PAIP2: variants seen among roughly 807,000 people sequenced by gnomAD.
PAIP2 encodes the protein poly(A) binding protein interacting protein 2.
In PAIP2, 7 loss-of-function variants were observed where a neutral mutation model predicts 14.8. That is an observed-to-expected ratio of 0.47 (90% CI 0.27 to 0.89). PAIP2 has a LOEUF of 0.89. Ranked by LOEUF, PAIP2 falls within the 40% of genes least tolerant of loss-of-function variation. PAIP2 has a pLI of 0.13. For missense variants in PAIP2, 122 were observed against 154.7 expected, an observed-to-expected ratio of 0.79 and a Z score of 1.12; for synonymous variants, 47 against 45.3, an observed-to-expected ratio of 1.04 and a Z score of -0.15.
intron 1 of PAIP2, among the ~76,000 whole-genome samples, chr5:139,344,576 AATAG>A (rs1756479386): frequency 6.6e-6 from 1 of 152,196 alleles, no homozygotes; most frequent in Admixed American, 6.5e-5. Context: ...ATTTTAATTA[AATAG>A]ATCTGTGTAG....
Position 139,368,897 on chromosome 5 carries a change from C to T in PAIP2, c.*99C>T. On this transcript the variant is annotated 3_prime_UTR_variant, in exon 4 of 4. Coordinates refer to ENST00000265192, the MANE Select transcript of PAIP2 (RefSeq NM_016480.5). Reference sequence around the variant, plus strand: ...TAAAAGCTCTCTTGTCACTGTGTTACACTTATGCATTGCCAAAGTTTTTGT... The same window carrying T: ...TAAAAGCTCTCTTGTCACTGTGTTATACTTATGCATTGCCAAAGTTTTTGT... The T allele has an allele frequency of 1.1e-6, 1 of 894,288 alleles. No homozygotes were observed. Among genetic ancestry groups the T allele is most frequent in the East Asian group, 2.5e-5 (1 of 39,680 alleles). The allele number at this position is 894,288 out of a possible 1,614,324, so 55.4% of individuals were successfully genotyped here.
At chr5:139,349,580 T>C (rs1561957871) in intron 1 of PAIP2, among the ~76,000 whole-genome samples, 1 of 152,160 alleles carries the variant, frequency 6.6e-6, no homozygotes, top group Non-Finnish European at 1.5e-5. Flanking sequence ...AGGAAAATAG[T>C]TAAAGTTATT....
chr5:139,364,674 T>C lies in PAIP2; in HGVS notation c.249T>C (p.Thr83=), dbSNP rs769724819. ...TTCCAGCTCGAGATCTCCCACAAAC[T>C]ATGGACCAAATCCAAGACCAGTTTA... ...WFIPARDLPQ[T]MDQIQDQFND... is the part of the protein sequence containing the mutation. The change falls in exon 3 of 4, where the codon ACT becomes ACC. Residue 83 remains threonine, a synonymous_variant. Coordinates refer to ENST00000265192, the MANE Select transcript of PAIP2 (RefSeq NM_016480.5). The C allele has an allele frequency of 6.2e-7, 1 of 1,612,794 alleles. No homozygotes were observed. Among genetic ancestry groups the C allele is most frequent in the South Asian group, 1.1e-5 (1 of 91,046 alleles).
At chr5:139,345,484 C>T (rs750102747) in intron 1 of PAIP2, among the ~76,000 whole-genome samples, 4 of 152,010 alleles carry the variant, frequency 2.6e-5, no homozygotes, top group Non-Finnish European at 5.9e-5. Context: ...TATGCTTAAA[C>T]GTATATATGC....
chr5:139,361,449 G>T (rs1757064534), intron 1 of PAIP2, among the ~76,000 whole-genome samples: 1 of 152,074 alleles, frequency 6.6e-6, no homozygotes, highest in African/African-American at 2.4e-5. Flanking sequence ...TCACTATACT[G>T]CTTGAGTTTA....
intron 2 of PAIP2, among the ~76,000 whole-genome samples, chr5:139,364,347 A>C (rs1042541084): frequency 6.6e-6 from 1 of 152,200 alleles, no homozygotes; most frequent in African/African-American, 2.4e-5. Context: ...CCCTCAATGG[A>C]AAAAAGAATG....
intron 3 of PAIP2, among the ~76,000 whole-genome samples, chr5:139,366,195 T>C (rs1413813113): frequency 9.7e-6 from 1 of 103,102 alleles, no homozygotes. Flanking sequence ...AGAGTGAGAC[T>C]CCACCTCAAA....
intron 1 of PAIP2, among the ~76,000 whole-genome samples, chr5:139,349,985 A>C (rs1485608203): frequency 6.6e-6 from 1 of 151,784 alleles, no homozygotes; most frequent in East Asian, 1.9e-4. Context: ...CTGGCGACAG[A>C]GTGAGACTCT....
chr5:139,354,597 T>G (rs976463348), intron 1 of PAIP2, among the ~76,000 whole-genome samples: 7 of 152,234 alleles, frequency 4.6e-5, no homozygotes, highest in African/African-American at 1.7e-4. Flanking sequence ...TTCAAATGTT[T>G]CTGAACTATT....
In PAIP2 at chr5:139,364,754, A is replaced by T. The variant is rs1318102790; in HGVS notation, c.318+11A>T. ...CTGGAAGATCTTGTGGTAAAAAGTT[A>T]TTTTTCATCTTTTTAAAACCTAGTG... On this transcript the variant is annotated intron_variant, in intron 3 of 3. Coordinates refer to ENST00000265192, the MANE Select transcript of PAIP2 (RefSeq NM_016480.5). The T allele has an allele frequency of 3.2e-6, 5 of 1,570,574 alleles. No homozygotes were observed. The highest frequency in any genetic ancestry group is 4.4e-6 in the Non-Finnish European group (5 of 1,148,846).
chr5:139,359,778 G>T (rs1272127392), intron 1 of PAIP2, among the ~76,000 whole-genome samples: 1 of 151,170 alleles, frequency 6.6e-6, no homozygotes, highest in African/African-American at 2.4e-5. Flanking sequence ...GAGGCCAGCC[G>T]GGCCAACGTG....
At chr5:139,361,615 C>T (rs1161395977) in intron 1 of PAIP2, among the ~76,000 whole-genome samples, 2 of 152,104 alleles carry the variant, frequency 1.3e-5, no homozygotes, top group Non-Finnish European at 2.9e-5. Context: ...TAGTATAAGA[C>T]ATCAGGCTTG....
chr5:139,348,418 A>G (rs141767445), intron 1 of PAIP2, among the ~76,000 whole-genome samples: 3,026 of 149,864 alleles, frequency 0.02, 108 homozygotes, highest in African/African-American at 0.068. Flanking sequence ...GCAGTGGCGT[A>G]GTCTCAGCTG....
At chr5:139,362,361 C>G (rs1386810443) in intron 1 of PAIP2, among the ~76,000 whole-genome samples, 1 of 149,692 alleles carries the variant, frequency 6.7e-6, no homozygotes, top group East Asian at 2.0e-4. Context: ...GCTGGGATTA[C>G]AGGCATGTAC....
At chr5:139,343,566 A>G (rs988110927) in intron 1 of PAIP2, among the ~76,000 whole-genome samples, 1 of 152,166 alleles carries the variant, frequency 6.6e-6, no homozygotes, top group African/African-American at 2.4e-5. Flanking sequence ...AATTTGGTTG[A>G]TACTGTGGGA....
chr5:139,353,844 C>T (rs923608046), intron 1 of PAIP2, among the ~76,000 whole-genome samples: 12 of 151,836 alleles, frequency 7.9e-5, no homozygotes, highest in Non-Finnish European at 1.2e-4. Flanking sequence ...CTCAGCCTCC[C>T]GAGTAGCTGA....
chr5:139,348,593 A>G (rs1408861985), intron 1 of PAIP2, among the ~76,000 whole-genome samples: 1 of 151,428 alleles, frequency 6.6e-6, no homozygotes, highest in Non-Finnish European at 1.5e-5. Flanking sequence ...TCCTGACCCC[A>G]TGATCTGCCC....
intron 1 of PAIP2, among the ~76,000 whole-genome samples, chr5:139,359,854 C>G (rs1437900354): frequency 6.6e-6 from 1 of 151,174 alleles, no homozygotes; most frequent in Non-Finnish European, 1.5e-5. Context: ...CTCCTGTAAT[C>G]CCAGCTACAC....
intron 1 of PAIP2, among the ~76,000 whole-genome samples, chr5:139,352,593 T>C (rs1756780040): frequency 1.4e-5 from 2 of 145,468 alleles, no homozygotes; most frequent in South Asian, 4.5e-4. Context: ...TGCCTCAGCC[T>C]CCCGAGTAGC....
Sources: allele counts gnomAD v4.1 joint callset (sites outside exome capture counted in the v4.1 genomes callset), GRCh38; gene constraint gnomAD v4.1.1; transcripts MANE v1.5; gene names NCBI Gene and HGNC (gene_info 2026-07-23, HGNC 2026-07-21).